Variants in GRIN3A observed in about 807,000 individuals in gnomAD.
GRIN3A encodes the protein glutamate receptor ionotropic, NMDA 3A.
Under a neutral mutation model 92.4 loss-of-function variants are expected in GRIN3A, and 47 were observed. That is an observed-to-expected ratio of 0.51 (90% CI 0.40 to 0.65). The LOEUF (loss-of-function observed/expected upper bound fraction) is 0.65, where lower values mean the gene tolerates loss of function less well. GRIN3A is among the 30% of genes least tolerant of loss of function. The pLI is 0.00. For missense variants in GRIN3A, 1,324 were observed against 1,393.1 expected (o/e 0.95, Z 0.79); for synonymous variants, 527 against 540.6 (o/e 0.97, Z 0.35).
At chr9:101,625,951 C>A (rs1021762934) in intron 4 of GRIN3A, among the ~76,000 whole-genome samples, 1 of 152,186 alleles carries the variant, frequency 6.6e-6, no homozygotes, top group East Asian at 1.9e-4. Flanking sequence ...TCTCTGGGAT[C>A]CTTCCTTAAA....
chr9:101,654,261 C>T (rs554645627), intron 3 of GRIN3A, among the ~76,000 whole-genome samples: 2 of 147,814 alleles, frequency 1.4e-5, no homozygotes, highest in Non-Finnish European at 3.0e-5. Flanking sequence ...ATTACAAATT[C>T]TGCTCTGGTA....
chr9:101,574,123 A>T (rs1827797019), intron 8 of GRIN3A, among the ~76,000 whole-genome samples: 1 of 152,136 alleles, frequency 6.6e-6, no homozygotes, highest in Non-Finnish European at 1.5e-5. Flanking sequence ...TGCTTAAAAA[A>T]ATCCCGAGAA....
At chr9:101,736,070 T>G (rs1199788635) in intron 1 of GRIN3A, among the ~76,000 whole-genome samples, 2 of 152,272 alleles carry the variant, frequency 1.3e-5, no homozygotes, top group African/African-American at 4.8e-5. Flanking sequence ...TTACTCATTT[T>G]AGTTTTTATC....
At chr9:101,642,894 G>C (rs1828885371) in intron 3 of GRIN3A, among the ~76,000 whole-genome samples, 1 of 152,088 alleles carries the variant, frequency 6.6e-6, no homozygotes, top group African/African-American at 2.4e-5. Flanking sequence ...ATCACCCCCA[G>C]ATGGGATCAC....
chr9:101,583,958 G>A (rs1827920588), intron 6 of GRIN3A, among the ~76,000 whole-genome samples: 1 of 152,190 alleles, frequency 6.6e-6, no homozygotes, highest in South Asian at 2.1e-4. Flanking sequence ...CCGGGTTCAA[G>A]CAATTCTCAT....
intron 6 of GRIN3A, chr9:101,595,138 G>T: frequency 1.7e-6 from 1 of 591,100 alleles, no homozygotes; most frequent in Non-Finnish European, 3.0e-6. Context: ...AAAAGGGGGC[G>T]GAAGGGGAGG....
chr9:101,606,390 G>C (rs1287947360), intron 6 of GRIN3A, among the ~76,000 whole-genome samples: 6 of 152,034 alleles, frequency 3.9e-5, no homozygotes, highest in African/African-American at 1.4e-4. Flanking sequence ...TTATTCCCTG[G>C]GTGTCTTCCA....
intron 1 of GRIN3A, among the ~76,000 whole-genome samples, chr9:101,728,607 TC>T (rs890079105): frequency 6.6e-6 from 1 of 152,208 alleles, no homozygotes; most frequent in African/African-American, 2.4e-5. Context: ...TTTCTCCTGT[TC>T]TTTGATGCCA....
intron 1 of GRIN3A, among the ~76,000 whole-genome samples, chr9:101,726,816 A>G (rs1366376780): frequency 6.6e-6 from 1 of 151,976 alleles, no homozygotes; most frequent in African/African-American, 2.4e-5. Context: ...GGTACATAAG[A>G]TGTTTTAAAC....
intron 6 of GRIN3A, chr9:101,601,141 C>T (rs35572409): frequency 0.12 from 17,767 of 152,150 alleles, 1,386 homozygotes; most frequent in Admixed American, 0.17. Flanking sequence ...GGAACAAGTA[C>T]CATAATCACA....
At chr9:101,673,435 C>T (rs984530830) in intron 2 of GRIN3A, among the ~76,000 whole-genome samples, 2 of 152,088 alleles carry the variant, frequency 1.3e-5, no homozygotes, top group Non-Finnish European at 2.9e-5. Flanking sequence ...AAATCCAATG[C>T]TTGTTTCACT....
chr9:101,685,251 T>G (rs1262230191), intron 2 of GRIN3A, among the ~76,000 whole-genome samples: 2 of 151,492 alleles, frequency 1.3e-5, no homozygotes, highest in Non-Finnish European at 2.9e-5. Flanking sequence ...TATACATACA[T>G]ATATATATGT....
chr9:101,662,334 T>C (rs10819975), intron 3 of GRIN3A, among the ~76,000 whole-genome samples: 51,050 of 151,546 alleles, frequency 0.34, 9,482 homozygotes, highest in Non-Finnish European at 0.42. Context: ...TATTAAAATA[T>C]GAAGAGATTT....
chr9:101,579,049 A>G lies in GRIN3A; in HGVS notation c.2931+147T>C, dbSNP rs548492132. ...AAAAGTGAATTAATGGGATAGAGAG[A>G]ATTCCTTCTGCTCTAATGAGAGTGC... On this transcript the variant is annotated intron_variant, in intron 7 of 8. Coordinates refer to ENST00000361820, the MANE Select transcript of GRIN3A (RefSeq NM_133445.3). The G allele has an allele frequency of 3.9e-6, 3 of 778,092 alleles. No homozygotes were observed. The South Asian group carries it at 4.4e-5, about 11-fold the overall frequency. 48.2% of individuals were successfully genotyped at this position (778,092 alleles called of 1,614,324 possible).
chr9:101,571,264 CTG>C lies in GRIN3A; in HGVS notation c.*1908_*1909del, dbSNP rs1254719204. On this transcript the variant is annotated 3_prime_UTR_variant, in exon 9 of 9. Transcript: ENST00000361820. ...CCCTCCCACATCCATATCAGTATCT[CTG>C]AGCCTCCCTCCACTCCAGGGTTTTC... The C allele has an allele frequency of 1.3e-5, 2 of 152,176 alleles. No individual in the cohort carries two copies. Among genetic ancestry groups the C allele is most frequent in the African/African-American group, 4.8e-5 (2 of 41,424 alleles). 9.4% of individuals were successfully genotyped at this position (152,176 alleles called of 1,614,324 possible).
At chr9:101,649,539 A>G (rs1005029181) in intron 3 of GRIN3A, among the ~76,000 whole-genome samples, 4 of 151,956 alleles carry the variant, frequency 2.6e-5, no homozygotes, top group Non-Finnish European at 5.9e-5. Flanking sequence ...CACATCAGCA[A>G]CCATGGATCT....
At chr9:101,588,698 C>T (rs1827980850) in intron 6 of GRIN3A, among the ~76,000 whole-genome samples, 1 of 152,112 alleles carries the variant, frequency 6.6e-6, no homozygotes, top group African/African-American at 2.4e-5. Flanking sequence ...ACCATATGCA[C>T]ACATATTCTT....
At chr9:101,611,933 G>A (rs1011149879) in intron 6 of GRIN3A, among the ~76,000 whole-genome samples, 6 of 152,212 alleles carry the variant, frequency 3.9e-5, no homozygotes, top group Non-Finnish European at 7.3e-5. Flanking sequence ...TGGAGTATTT[G>A]AGGAAGAGGA....
intron 6 of GRIN3A, among the ~76,000 whole-genome samples, chr9:101,606,560 T>G (rs1020763717): frequency 2.0e-5 from 3 of 152,180 alleles, no homozygotes; most frequent in African/African-American, 7.2e-5. Flanking sequence ...CCTGGGAGAC[T>G]GTAGTATCTT....
Sources: allele counts gnomAD v4.1 joint callset (sites outside exome capture counted in the v4.1 genomes callset), GRCh38; gene constraint gnomAD v4.1.1; transcripts MANE v1.5; gene names NCBI Gene and HGNC (gene_info 2026-07-23, HGNC 2026-07-21).